Variants in SNTG1 observed in about 807,000 individuals in gnomAD.
The protein encoded by SNTG1 is gamma-1-syntrophin.
Under a neutral mutation model 74.7 loss-of-function variants are expected in SNTG1, and 39 were observed. The observed-to-expected ratio is 0.52, with a 90% confidence interval of 0.40 to 0.68. The LOEUF (loss-of-function observed/expected upper bound fraction) is 0.68. Ranked by LOEUF, SNTG1 falls within the 30% of genes least tolerant of loss-of-function variation. The pLI, the probability that SNTG1 is intolerant of heterozygous loss-of-function variation, is 0.00. For missense variants in SNTG1, 685 were observed against 609.5 expected (o/e 1.12, Z -1.30); for synonymous variants, 254 against 217.1 (o/e 1.17, Z -1.49).
chr8:50,205,244 T>C (rs1254803285), intron 2 of SNTG1, among the ~76,000 whole-genome samples: 2 of 152,216 alleles, frequency 1.3e-5, no homozygotes, highest in African/African-American at 4.8e-5. Flanking sequence ...GTTTCCTGAC[T>C]TTTTAATGAT....
chr8:50,476,772 A>G (rs1266918573), intron 8 of SNTG1, among the ~76,000 whole-genome samples: 1 of 151,906 alleles, frequency 6.6e-6, no homozygotes, highest in Non-Finnish European at 1.5e-5. Flanking sequence ...AGATCTTGGT[A>G]TCTAATACTT....
chr8:50,037,784 G>A (rs929749159), intron 1 of SNTG1, among the ~76,000 whole-genome samples: 4 of 152,260 alleles, frequency 2.6e-5, no homozygotes, highest in Non-Finnish European at 5.9e-5. Context: ...TTATATAATA[G>A]CAATAAGCCA....
chr8:50,632,693 G>A (rs916051684), intron 13 of SNTG1, among the ~76,000 whole-genome samples: 2 of 152,176 alleles, frequency 1.3e-5, no homozygotes, highest in African/African-American at 4.8e-5. Flanking sequence ...AGTAAAACAA[G>A]TAAATCATGT....
chr8:50,490,948 AT>A (rs2093846704), intron 8 of SNTG1: 1 of 153,206 alleles, frequency 6.5e-6, no homozygotes, highest in Non-Finnish European at 1.5e-5. Context: ...TTTCAAGACA[AT>A]TTTGGAGCTG....
At chr8:50,433,893 A>T (rs1587613757) in intron 4 of SNTG1, among the ~76,000 whole-genome samples, 1 of 152,040 alleles carries the variant, frequency 6.6e-6, no homozygotes, top group African/African-American at 2.4e-5. Context: ...ATTTTTATTT[A>T]TTTTTTATTA....
chr8:50,470,058 C>A (rs928898989), intron 8 of SNTG1, among the ~76,000 whole-genome samples: 1 of 152,204 alleles, frequency 6.6e-6, no homozygotes, highest in Non-Finnish European at 1.5e-5. Context: ...CCATTTTGGG[C>A]TGCCCAGCGC....
At chr8:50,330,866 A>C (rs559102107) in intron 2 of SNTG1, among the ~76,000 whole-genome samples, 30 of 152,298 alleles carry the variant, frequency 2.0e-4, no homozygotes, top group African/African-American at 7.0e-4. Context: ...ACAAGAACAG[A>C]ATAGGAAAAA....
At chr8:49,924,249 AT>A (rs1411070503) in intron 1 of SNTG1, among the ~76,000 whole-genome samples, 1 of 152,218 alleles carries the variant, frequency 6.6e-6, no homozygotes, top group Non-Finnish European at 1.5e-5. Flanking sequence ...TTAAATTATT[AT>A]GACTTTCATA....
intron 1 of SNTG1, among the ~76,000 whole-genome samples, chr8:50,103,299 G>C (rs1463983554): frequency 6.6e-6 from 1 of 152,110 alleles, no homozygotes; most frequent in Non-Finnish European, 1.5e-5. Flanking sequence ...TGGATTCTTA[G>C]GTATTTTATT....
At chr8:50,213,762 C>A (rs539851815) in intron 2 of SNTG1, among the ~76,000 whole-genome samples, 6 of 151,978 alleles carry the variant, frequency 3.9e-5, no homozygotes, top group African/African-American at 1.4e-4. Flanking sequence ...CTTCGCCCAC[C>A]TTTTGACGGG....
At chr8:50,307,908 G>A (rs958109438) in intron 2 of SNTG1, among the ~76,000 whole-genome samples, 2 of 152,014 alleles carry the variant, frequency 1.3e-5, no homozygotes, top group Non-Finnish European at 2.9e-5. Flanking sequence ...TGTTTTAAAA[G>A]GCACTGTCCC....
At chr8:50,541,254 T>G (rs2094344598) in intron 11 of SNTG1, among the ~76,000 whole-genome samples, 1 of 151,650 alleles carries the variant, frequency 6.6e-6, no homozygotes, top group Non-Finnish European at 1.5e-5. Flanking sequence ...TGTGTGTGTG[T>G]GTGTGTGTGT....
chr8:50,601,196 C>T (rs1263578607), intron 13 of SNTG1, among the ~76,000 whole-genome samples: 1 of 112,004 alleles, frequency 8.9e-6, no homozygotes, highest in Non-Finnish European at 1.6e-5. Context: ...ACATGTTAGG[C>T]TATTAAGCTA....
chr8:50,211,379 A>T (rs73676273), intron 2 of SNTG1, among the ~76,000 whole-genome samples: 7,085 of 152,168 alleles, frequency 0.047, 391 homozygotes, highest in South Asian at 0.14. Flanking sequence ...ATTACATTTC[A>T]TTTTCTCCAT....
At chr8:50,160,453 G>T (rs143057981) in intron 1 of SNTG1, among the ~76,000 whole-genome samples, 219 of 152,202 alleles carry the variant, frequency 1.4e-3, no homozygotes, top group African/African-American at 4.8e-3. Flanking sequence ...TTCTTAAAGG[G>T]TCATATGGAT....
At position 49,957,810 on chromosome 8, in the gene SNTG1, T is replaced by A. The variant is rs571040766; in HGVS notation, c.-103+45579T>A. Among the ~76,000 whole-genome samples the A allele has an allele frequency of 2.6e-5, 4 of 152,210 alleles. No individual in the cohort carries two copies. The South Asian group carries it at 8.3e-4, about 32-fold the overall frequency. Reference sequence around the variant, plus strand: ...GAGACCCTATCTCCACACAAATTTTTTTTTTAAAAGCCAGGCATGGTGGTG... The same window carrying A: ...GAGACCCTATCTCCACACAAATTTTATTTTTAAAAGCCAGGCATGGTGGTG... On this transcript the variant is annotated intron_variant, in intron 1 of 18. Transcript: ENST00000642720.
At chr8:50,548,828 A>G (rs1362498370) in intron 11 of SNTG1, among the ~76,000 whole-genome samples, 2 of 152,240 alleles carry the variant, frequency 1.3e-5, no homozygotes, top group African/African-American at 2.4e-5. Context: ...ACAGGTAGAA[A>G]TAATACAACT....
Position 50,608,132 on chromosome 8 carries a change from A to G in SNTG1, c.849+17215A>G, listed in dbSNP as rs73587034. Among the ~76,000 whole-genome samples the G allele has an allele frequency of 7.6e-3, 1,149 of 151,836 alleles. 19 individuals are homozygous for G. The highest frequency in any genetic ancestry group is 0.025 in the African/African-American group (1,057 of 41,544). ...GCATCCATGTTACTTTTCCTGGATC[A>G]TGTTGCAGGGATTTTTATAAAACAT... On this transcript the variant is annotated intron_variant, in intron 13 of 18. Transcript: ENST00000642720.
intron 1 of SNTG1, among the ~76,000 whole-genome samples, chr8:50,152,789 G>T (rs539605825): frequency 2.0e-5 from 3 of 152,158 alleles, no homozygotes; most frequent in Non-Finnish European, 2.9e-5. Flanking sequence ...TAGTCTGATG[G>T]GTTTCCCTTT....
Sources: gnomAD v4.1 joint callset for allele counts (sites outside exome capture counted in the v4.1 genomes callset) on GRCh38, gnomAD v4.1.1 for gene constraint, MANE v1.5 for transcripts, NCBI Gene and HGNC (gene_info 2026-07-23, HGNC 2026-07-21) for gene names.